The following DSCAML1 variants were observed in gnomAD, a reference collection of about 807,000 sequenced individuals.
The protein encoded by DSCAML1 is DS cell adhesion molecule like 1.
Under a neutral mutation model 200.5 loss-of-function variants are expected in DSCAML1, and 38 were observed. The ratio of observed to expected loss-of-function variants is 0.19; its 90% CI spans 0.15 to 0.25. The LOEUF (loss-of-function observed/expected upper bound fraction) is 0.25, where lower values mean the gene tolerates loss of function less well. Ranked by LOEUF, DSCAML1 falls within the 10% of genes least tolerant of loss-of-function variation. The pLI is 1.00. For synonymous variants in DSCAML1, 1,215 were observed against 1,165.0 expected, an observed-to-expected ratio of 1.04 and a Z score of -0.87; for missense variants, 2,223 against 2,858.8, an observed-to-expected ratio of 0.78 and a Z score of 5.07.
At chr11:117,766,094 G>A (rs540146217) in intron 3 of DSCAML1, among the ~76,000 whole-genome samples, 1 of 152,196 alleles carries the variant, frequency 6.6e-6, no homozygotes, top group Non-Finnish European at 1.5e-5. Flanking sequence ...TTGCCTGGGT[G>A]CCTACTATGT....
intron 3 of DSCAML1, among the ~76,000 whole-genome samples, chr11:117,764,992 C>T (rs2054868520): frequency 6.6e-6 from 1 of 152,222 alleles, no homozygotes; most frequent in South Asian, 2.1e-4. Flanking sequence ...GGCCCTTCTC[C>T]CATTCCGTTG....
intron 3 of DSCAML1, among the ~76,000 whole-genome samples, chr11:117,625,931 C>A (rs990956916): frequency 6.6e-6 from 1 of 152,214 alleles, no homozygotes; most frequent in Non-Finnish European, 1.5e-5. Flanking sequence ...GCATCTTCCC[C>A]TAAAACCCAT....
chr11:117,432,636 A>G, intron 29 of DSCAML1, 132 bp from the exon 30 acceptor site: 1 of 1,070,574 alleles, frequency 9.3e-7, no homozygotes, highest in Middle Eastern at 2.6e-4. Flanking sequence ...TGTTTTTTTG[A>G]GACAGGGTCT....
chr11:117,492,453 C>T (rs2049201218), intron 11 of DSCAML1, among the ~76,000 whole-genome samples: 1 of 152,212 alleles, frequency 6.6e-6, no homozygotes, highest in South Asian at 2.1e-4. Context: ...ACCCTGAAGC[C>T]TCTCAAGGGC....
chr11:117,709,795 A>C (rs1358878070), intron 3 of DSCAML1: 5 of 453,952 alleles, frequency 1.1e-5, no homozygotes, highest in Non-Finnish European at 2.2e-5. Flanking sequence ...CGGCTGTGAA[A>C]AAGAATGGAC....
At chr11:117,495,558 C>G (rs536464359) in intron 11 of DSCAML1, among the ~76,000 whole-genome samples, 64 of 152,252 alleles carry the variant, frequency 4.2e-4, no homozygotes, top group Middle Eastern at 6.8e-3. Flanking sequence ...TCATGAGTCA[C>G]TTTAGCGGGG....
In DSCAML1 at chr11:117,479,331, A is replaced by G. The variant is rs561542731; in HGVS notation, c.2785+1112T>C. 8.9e-4 allele frequency among the ~76,000 whole-genome samples: 136 copies of G among 152,354 alleles called. 1 individual carries two copies. The highest frequency in any genetic ancestry group is 3.2e-3 in the African/African-American group (133 of 41,584). ...GACTGAGGAAGATTGAGTAATCTAG[A>G]TTCTACTGTTTTCTATGCTTTATTT... On this transcript the variant is annotated intron_variant, in intron 14 of 32. Coordinates refer to ENST00000651296, the MANE Select transcript of DSCAML1 (RefSeq NM_020693.4).
chr11:117,737,593 G>A (rs573819184), intron 3 of DSCAML1, among the ~76,000 whole-genome samples: 13 of 152,304 alleles, frequency 8.5e-5, no homozygotes, highest in Middle Eastern at 3.4e-3. Context: ...GGAACACACC[G>A]TACCGCTGAT....
chr11:117,459,588 C>A (rs1000295835), intron 18 of DSCAML1, among the ~76,000 whole-genome samples: 3 of 152,230 alleles, frequency 2.0e-5, no homozygotes, highest in Admixed American at 2.0e-4. Context: ...CTGGGACACT[C>A]CTGAGGCTCA....
At position 117,461,659 on chromosome 11, in the gene DSCAML1, A is replaced by G. The variant is rs2048486226; in HGVS notation, c.3266-63T>C. Reference sequence around the variant, plus strand: ...TCATGGATGTGAGTGACAGTACAGCAATTGTGTCCCAGGCTGGGTCCCGCA... The same window carrying G: ...TCATGGATGTGAGTGACAGTACAGCGATTGTGTCCCAGGCTGGGTCCCGCA... On this transcript the variant is annotated intron_variant, in intron 17 of 32. Transcript: ENST00000651296. The G allele has an allele frequency of 9.8e-6, 15 of 1,533,976 alleles. No individual in the cohort carries two copies. The South Asian group carries it at 1.4e-4, about 14-fold the overall frequency.
At chr11:117,514,392 G>A (rs2049711603) in intron 8 of DSCAML1, among the ~76,000 whole-genome samples, 1 of 151,982 alleles carries the variant, frequency 6.6e-6, no homozygotes, top group Non-Finnish European at 1.5e-5. Flanking sequence ...CTCCCTGGCA[G>A]TCCCAGAAGC....
chr11:117,676,431 G>A (rs1308573864), intron 3 of DSCAML1, among the ~76,000 whole-genome samples: 1 of 152,202 alleles, frequency 6.6e-6, no homozygotes, highest in African/African-American at 2.4e-5. Context: ...ATGCGAGTGA[G>A]GTCTGGGAGA....
In DSCAML1 at chr11:117,745,294, G is replaced by T. The variant is rs556709613; in HGVS notation, c.511+31497C>A. Among the ~76,000 whole-genome samples, 47 of 152,184 alleles carry T rather than the reference G, an allele frequency of 3.1e-4. No individual in the cohort carries two copies. The South Asian group carries it at 9.5e-3, about 31-fold the overall frequency. ...TTAAGGTCAGTGTACTTTCCTGTATGTGTGTTAAACTTCATTAAAAAGTCA... is the reference window on the plus strand; with the variant it reads ...TTAAGGTCAGTGTACTTTCCTGTATTTGTGTTAAACTTCATTAAAAAGTCA... On this transcript the variant is annotated intron_variant, in intron 3 of 32. Transcript: ENST00000651296.
At chr11:117,452,239 G>A (rs1161145431) in intron 19 of DSCAML1, among the ~76,000 whole-genome samples, 2 of 152,178 alleles carry the variant, frequency 1.3e-5, no homozygotes, top group African/African-American at 4.8e-5. Context: ...TTGTGAATTT[G>A]TCTCTTTCTC....
At chr11:117,787,620 A>G (rs2055382256) in intron 1 of DSCAML1, among the ~76,000 whole-genome samples, 2 of 152,154 alleles carry the variant, frequency 1.3e-5, no homozygotes, top group African/African-American at 4.8e-5. Flanking sequence ...GCCATCCTGG[A>G]CTTCTATACT....
chr11:117,433,604 G>T, intron 27 of DSCAML1, 133 bp from the exon 28 acceptor site: 1 of 946,168 alleles, frequency 1.1e-6, no homozygotes, highest in Non-Finnish European at 1.5e-6. Flanking sequence ...AGAAGCAGAA[G>T]GAGAAATGTA....
chr11:117,593,954 C>T (rs1455551759), intron 3 of DSCAML1, among the ~76,000 whole-genome samples: 2 of 152,056 alleles, frequency 1.3e-5, no homozygotes, highest in African/African-American at 4.8e-5. Context: ...ACCTCGTGAT[C>T]CGCCCGCCTC....
chr11:117,582,681 C>T (rs1043549736), intron 3 of DSCAML1, among the ~76,000 whole-genome samples: 4 of 152,084 alleles, frequency 2.6e-5, no homozygotes, highest in African/African-American at 7.2e-5. Context: ...GGGGAATATC[C>T]GCAGGGCCCT....
chr11:117,689,247 C>A (rs918273855), intron 3 of DSCAML1, among the ~76,000 whole-genome samples: 1 of 152,210 alleles, frequency 6.6e-6, no homozygotes, highest in Admixed American at 6.5e-5. Context: ...ATAAGCAGAG[C>A]TGTTTGCGTG....
Sources: gnomAD v4.1 joint callset for allele counts (sites outside exome capture counted in the v4.1 genomes callset) on GRCh38, gnomAD v4.1.1 for gene constraint, MANE v1.5 for transcripts, NCBI Gene and HGNC (gene_info 2026-07-23, HGNC 2026-07-21) for gene names.